Variants in RELCH observed in about 807,000 individuals in gnomAD.
The protein encoded by RELCH is RAB11 binding and LisH domain, coiled-coil and HEAT repeat containing.
RELCH carries 41 observed loss-of-function variants against 150.3 expected under a neutral mutation model. That is an observed-to-expected ratio of 0.27 (90% confidence interval 0.21 to 0.35). The LOEUF (loss-of-function observed/expected upper bound fraction) is 0.35. Among genes scored for constraint, RELCH ranks in the 10% least tolerant of loss-of-function variants. RELCH has a pLI of 1.00. For missense variants in RELCH, 1,092 were observed against 1,467.8 expected (o/e 0.74, Z 4.18); for synonymous variants, 478 against 531.8 (o/e 0.90, Z 1.39).
chr18:62,225,771 T>C (rs548921119), intron 5 of RELCH, among the ~76,000 whole-genome samples: 14 of 152,072 alleles, frequency 9.2e-5, no homozygotes, highest in African/African-American at 3.4e-4. Flanking sequence ...GATGGACATT[T>C]GAATTATGTG....
chr18:62,224,017 G>A (rs140042527), intron 5 of RELCH, among the ~76,000 whole-genome samples: 234 of 151,784 alleles, frequency 1.5e-3, no homozygotes, highest in African/African-American at 5.2e-3. Context: ...TGTGCACAAC[G>A]TGCAGGTTTG....
At chr18:62,277,599 AAAGAAAATGAGAAATGAG>A (rs1277808829) in intron 22 of RELCH, 42 of 900,644 alleles carry the variant, frequency 4.7e-5, no homozygotes, top group Non-Finnish European at 5.3e-5. Context: ...ACCAGAAAGA[AAAGAAAATGAGAAATGAG>A]AAGAAAATGA....
chr18:62,305,546 A>G lies in RELCH; in HGVS notation c.*12A>G, dbSNP rs768931318. ...AGAGAAAGAAGTAGAAGCAGGAAAG[A>G]AGCCCCCAGTAAACACTAAGATGGA... On this transcript the variant is annotated 3_prime_UTR_variant, in exon 29 of 29. Coordinates refer to ENST00000644646, the MANE Select transcript of RELCH (RefSeq NM_001346231.2). This position sits in a 1 kb window ranked among gnomAD's most constrained non-coding sequence, Gnocchi z 4.0. The G allele has an allele frequency of 1.2e-6, 2 of 1,603,404 alleles. No individual in the cohort carries two copies. The highest frequency in any genetic ancestry group is 1.7e-6 in the Non-Finnish European group (2 of 1,175,458).
intron 10 of RELCH, among the ~76,000 whole-genome samples, chr18:62,243,672 G>A (rs539497212): frequency 1.3e-5 from 2 of 152,174 alleles, no homozygotes; most frequent in African/African-American, 4.8e-5. Flanking sequence ...CTCTTAGGAA[G>A]CATCTTCAAA....
chr18:62,206,588 G>T (rs1415103517), intron 1 of RELCH, among the ~76,000 whole-genome samples: 1 of 152,128 alleles, frequency 6.6e-6, no homozygotes, highest in Admixed American at 6.5e-5. Flanking sequence ...CATTTCCTTA[G>T]ATCAATATGT....
At chr18:62,202,753 A>T (rs1422688078) in intron 1 of RELCH, among the ~76,000 whole-genome samples, 1 of 152,218 alleles carries the variant, frequency 6.6e-6, no homozygotes, top group Non-Finnish European at 1.5e-5. Context: ...TGTATATATG[A>T]TTTAAAATAT....
chr18:62,236,309 C>A lies in RELCH; in HGVS notation c.1620+3882C>A, dbSNP rs1045462397. Among the ~76,000 whole-genome samples, 10 of 151,880 alleles carry A rather than the reference C, an allele frequency of 6.6e-5. 1 individual carries two copies. In the South Asian group the frequency reaches 1.0e-3, roughly 16 times the overall value. ...CACCCTTGCATTCATGAGATACATC[C>A]CATTTGGCCTTGGTTTATAAACCTT... On this transcript the variant is annotated intron_variant, in intron 10 of 28. Transcript: ENST00000644646.
intron 21 of RELCH, 82 bp from the exon 22 acceptor site, chr18:62,275,292 C>T: frequency 1.6e-6 from 1 of 628,328 alleles, no homozygotes; most frequent in Admixed American, 3.1e-5. Flanking sequence ...ATTAATATTC[C>T]TTATAAATAT....
Position 62,305,529 on chromosome 18 carries a change from A to T in RELCH, c.3646A>T (p.Lys1216Ter), listed in dbSNP as rs1343480419. The part of the protein sequence containing the change: ...AMLANVFQRK[K>*] ...GTTGGCCAATGTATTTCAGAGAAAG[A>T]AGTAGAAGCAGGAAAGAAGCCCCCA... is the stretch of plus-strand genomic sequence containing the variant. Residue 1216 changes from lysine (K) to a stop codon, truncating the protein, a stop_gained, in exon 29 of 29, where the codon AAG becomes TAG. Transcript: ENST00000644646. LOFTEE classifies it high-confidence loss of function. This position sits in a 1 kb window ranked among gnomAD's most constrained non-coding sequence, Gnocchi z 4.0. The T allele has an allele frequency of 1.2e-6, 2 of 1,605,570 alleles. No individual in the cohort carries two copies. Among genetic ancestry groups the T allele is most frequent in the Non-Finnish European group, 1.7e-6 (2 of 1,176,176 alleles).
chr18:62,232,273 ATAT>A, intron 9 of RELCH, 56 bp from the exon 10 acceptor site: 1 of 1,116,300 alleles, frequency 9.0e-7, no homozygotes, highest in Non-Finnish European at 1.4e-6. Context: ...GAACTTTTCC[ATAT>A]TATTATGCAC....
chr18:62,199,323 A>T (rs978759418), intron 1 of RELCH, among the ~76,000 whole-genome samples: 1 of 152,048 alleles, frequency 6.6e-6, no homozygotes, highest in Admixed American at 6.6e-5. Context: ...GTTTCTAATT[A>T]ACTCTTAATA....
intron 1 of RELCH, among the ~76,000 whole-genome samples, chr18:62,198,828 A>G (rs2039226382): frequency 6.6e-6 from 1 of 152,006 alleles, no homozygotes; most frequent in Non-Finnish European, 1.5e-5. Context: ...AAATTTATAA[A>G]CCTCACTAGG....
chr18:62,246,592 A>AT (rs1426265448), intron 11 of RELCH: 2 of 152,196 alleles, frequency 1.3e-5, no homozygotes, highest in African/African-American at 4.8e-5. Flanking sequence ...GCCTGAGAAA[A>AT]TTTTCTGTTA....
intron 7 of RELCH, 133 bp downstream of exon 7, chr18:62,227,822 G>T: frequency 2.0e-6 from 1 of 497,446 alleles, no homozygotes; most frequent in Admixed American, 3.7e-5. Context: ...CTGAAAGAAA[G>T]TTTTGTAATT....
intron 1 of RELCH, among the ~76,000 whole-genome samples, chr18:62,192,199 A>G (rs1202772038): frequency 6.6e-6 from 1 of 152,144 alleles, no homozygotes; most frequent in African/African-American, 2.4e-5. Flanking sequence ...TCTTCTTTTG[A>G]GAAATGTCCA....
chr18:62,297,920 G>C (rs568195854), intron 27 of RELCH, among the ~76,000 whole-genome samples: 1 of 152,164 alleles, frequency 6.6e-6, no homozygotes, highest in East Asian at 1.9e-4. Context: ...CATGTGAATT[G>C]TACCGTTCTC....
chr18:62,187,611 C>T lies in RELCH; in HGVS notation c.106C>T (p.Arg36Trp). 1 of 1,532,626 alleles carries T rather than the reference C, an allele frequency of 6.5e-7. No individual in the cohort carries two copies. The highest frequency in any genetic ancestry group is 8.8e-7 in the Non-Finnish European group (1 of 1,138,544). 94.9% of individuals were successfully genotyped at this position (1,532,626 alleles called of 1,614,324 possible). ...CGAGGTAGCTGCAACAGAGGAACGG[C>T]GGGCAGTACTTCGGCTGGGCGCCGG... ...DDEVAATEER[R>W]AVLRLGAGSG... The change falls in exon 1 of 29, where the codon CGG (arginine) becomes TGG (tryptophan). Residue 36 changes from arginine (R) to tryptophan (W), a missense_variant. Coordinates refer to ENST00000644646, the MANE Select transcript of RELCH (RefSeq NM_001346231.2).
intron 2 of RELCH, among the ~76,000 whole-genome samples, chr18:62,219,564 G>A (rs2040717483): frequency 1.3e-5 from 2 of 150,246 alleles, no homozygotes; most frequent in South Asian, 4.2e-4. Context: ...CTTACACACT[G>A]AATGTGTCCA....
intron 27 of RELCH, among the ~76,000 whole-genome samples, chr18:62,298,459 T>C (rs1423185134): frequency 6.6e-6 from 1 of 152,174 alleles, no homozygotes; most frequent in Non-Finnish European, 1.5e-5. Flanking sequence ...TGTGTGACCA[T>C]AGTGTGTGTG....
Sources: gnomAD v4.1 joint callset for allele counts (sites outside exome capture counted in the v4.1 genomes callset) on GRCh38, gnomAD v4.1.1 for gene constraint, Gnocchi (gnomAD v3.1) non-coding constraint, MANE v1.5 for transcripts, NCBI Gene and HGNC (gene_info 2026-07-23, HGNC 2026-07-21) for gene names.